CNTNAP4: variants seen among roughly 807,000 people sequenced by gnomAD.
CNTNAP4 encodes contactin associated protein family member 4, also known as contactin-associated protein-like 4.
In CNTNAP4, 98 loss-of-function variants were observed where a neutral mutation model predicts 148.4. The observed-to-expected ratio is 0.66, with a 90% CI of 0.56 to 0.78. The LOEUF is 0.78. CNTNAP4 is among the 30% of genes least tolerant of loss of function. CNTNAP4 has a pLI of 0.00. For missense variants in CNTNAP4, 1,935 were observed against 1,565.6 expected (o/e 1.24, Z -3.98); for synonymous variants, 730 against 565.1 (o/e 1.29, Z -4.14).
chr16:76,550,007 C>CTTATG (rs2084897247), intron 21 of CNTNAP4, among the ~76,000 whole-genome samples: 1 of 152,008 alleles, frequency 6.6e-6, no homozygotes, highest in Non-Finnish European at 1.5e-5. Flanking sequence ...CACTTAGGGA[C>CTTATG]AATCTGATGA....
chr16:76,291,151 A>T (rs993277187), intron 1 of CNTNAP4, among the ~76,000 whole-genome samples: 1 of 152,202 alleles, frequency 6.6e-6, no homozygotes, highest in Non-Finnish European at 1.5e-5. Flanking sequence ...GGTATAATTC[A>T]GTCCATAACA....
intron 15 of CNTNAP4, among the ~76,000 whole-genome samples, chr16:76,499,735 C>G (rs1203799012): frequency 4.0e-5 from 6 of 150,388 alleles, no homozygotes; most frequent in Non-Finnish European, 7.4e-5. Context: ...TCCCTGGGTA[C>G]TTGAGATTAG....
chr16:76,486,214 A>G (rs1334667385), intron 12 of CNTNAP4, among the ~76,000 whole-genome samples: 1 of 152,172 alleles, frequency 6.6e-6, no homozygotes, highest in African/African-American at 2.4e-5. Flanking sequence ...TCCTTACCCT[A>G]CCACTCTTTT....
chr16:76,289,660 C>T lies in CNTNAP4; in HGVS notation c.85+11913C>T, dbSNP rs1052144381. ...CAATCTCGGCTCACTGCAACCTCTG[C>T]TTCCCAGGTTCAAGCAATTCTCCTT... On this transcript the variant is annotated intron_variant, in intron 1 of 23. Coordinates refer to ENST00000611870, the MANE Select transcript of CNTNAP4 (RefSeq NM_033401.5). Among the ~76,000 whole-genome samples, 16 of 152,014 alleles carry T rather than the reference C, an allele frequency of 1.1e-4. No individual in the cohort carries two copies. The East Asian group carries it at 1.6e-3, about 15-fold the overall frequency.
chr16:76,540,634 G>A lies in CNTNAP4; in HGVS notation c.3355-69G>A, dbSNP rs919823908. 36 of 1,153,444 alleles carry A rather than the reference G, an allele frequency of 3.1e-5. No homozygotes were observed. In the African/African-American group the frequency reaches 4.9e-4, roughly 16 times the overall value. 71.5% of individuals were successfully genotyped at this position (1,153,444 alleles called of 1,614,324 possible). ...AATGTATCTTTTTCTCTTGTCCTCT[G>A]TTGCTTCCTGTCTTCTCAACAAAAC... On this transcript the variant is annotated intron_variant, in intron 20 of 23. Transcript: ENST00000611870.
intron 3 of CNTNAP4, among the ~76,000 whole-genome samples, chr16:76,393,456 G>A (rs2078095246): frequency 1.3e-5 from 2 of 152,188 alleles, no homozygotes; most frequent in African/African-American, 4.8e-5. Context: ...CAGTCAGTCT[G>A]TACTGAACAC....
chr16:76,554,283 G>C (rs973426263), intron 23 of CNTNAP4, among the ~76,000 whole-genome samples: 2 of 152,120 alleles, frequency 1.3e-5, no homozygotes, highest in Non-Finnish European at 1.5e-5. Flanking sequence ...ACTGCTTCTG[G>C]AAAGGTTCAT....
At chr16:76,470,636 G>A (rs1249539347) in intron 10 of CNTNAP4, among the ~76,000 whole-genome samples, 1 of 151,082 alleles carries the variant, frequency 6.6e-6, no homozygotes, top group African/African-American at 2.5e-5. Flanking sequence ...GGCAACAAGA[G>A]TGAAACGCCG....
At chr16:76,361,801 G>A (rs117350867) in intron 3 of CNTNAP4, among the ~76,000 whole-genome samples, 2 of 152,088 alleles carry the variant, frequency 1.3e-5, no homozygotes, top group Non-Finnish European at 2.9e-5. Flanking sequence ...CTAGGGTTCC[G>A]ATTTCTCCAA....
intron 1 of CNTNAP4, among the ~76,000 whole-genome samples, chr16:76,293,867 G>A (rs1298636206): frequency 5.4e-5 from 8 of 149,174 alleles, no homozygotes; most frequent in Admixed American, 4.7e-4. Flanking sequence ...GCCCGTGACT[G>A]AATGTAGCAT....
At chr16:76,471,917 G>A (rs1306901626) in intron 10 of CNTNAP4, among the ~76,000 whole-genome samples, 1 of 152,186 alleles carries the variant, frequency 6.6e-6, no homozygotes. Flanking sequence ...ATGTGATAAT[G>A]TTGTATAGAG....
At chr16:76,304,056 A>G (rs1393635922) in intron 1 of CNTNAP4, among the ~76,000 whole-genome samples, 1 of 152,186 alleles carries the variant, frequency 6.6e-6, no homozygotes, top group Non-Finnish European at 1.5e-5. Flanking sequence ...TAAAGCAGCA[A>G]TCATAAACAC....
chr16:76,484,616 T>A (rs1448175047), intron 12 of CNTNAP4, among the ~76,000 whole-genome samples: 1 of 152,114 alleles, frequency 6.6e-6, no homozygotes, highest in Non-Finnish European at 1.5e-5. Context: ...AGCTTGAAAC[T>A]CTCCTTATTG....
intron 10 of CNTNAP4, among the ~76,000 whole-genome samples, chr16:76,471,784 G>A (rs1482896475): frequency 6.6e-6 from 1 of 152,172 alleles, no homozygotes; most frequent in Non-Finnish European, 1.5e-5. Context: ...TTGGAGGCGA[G>A]GGCTAGGGAT....
rs1010752317 is a variant in CNTNAP4 at position 76,501,173 on chromosome 16, A to C, written c.2365+2479A>C. Among the ~76,000 whole-genome samples, 52 of 152,212 alleles carry C rather than the reference A, an allele frequency of 3.4e-4. 1 individual carries two copies. Among genetic ancestry groups the C allele is most frequent in the African/African-American group, 1.1e-3 (46 of 41,446 alleles). The stretch of plus-strand genomic sequence containing the variant: ...CTGTTCTACCAGTGAGCCTTACACA[A>C]TCCCATGAAGATGATATAGGATATT... On this transcript the variant is annotated intron_variant, in intron 15 of 23. Coordinates refer to ENST00000611870, the MANE Select transcript of CNTNAP4 (RefSeq NM_033401.5).
chr16:76,444,075 T>C lies in CNTNAP4; in HGVS notation c.539-3937T>C, dbSNP rs375400830. Among the ~76,000 whole-genome samples, 13 of 152,262 alleles carry C rather than the reference T, an allele frequency of 8.5e-5. No homozygotes were observed. The South Asian group carries it at 2.1e-3, about 24-fold the overall frequency. ...GAAGGAATCAGAAGGATGGTAAAAC[T>C]AGTTTCAAAGAAAATTCAAGAGATT... On this transcript the variant is annotated intron_variant, in intron 4 of 23. Coordinates refer to ENST00000611870, the MANE Select transcript of CNTNAP4 (RefSeq NM_033401.5).
intron 11 of CNTNAP4, among the ~76,000 whole-genome samples, chr16:76,477,046 G>A (rs1411524508): frequency 6.6e-6 from 1 of 151,992 alleles, no homozygotes; most frequent in Non-Finnish European, 1.5e-5. Flanking sequence ...GCTCACCCTA[G>A]TAGGTGAATA....
chr16:76,558,853 T>C lies in CNTNAP4; in HGVS notation c.*170T>C, dbSNP rs1180893634. 6 of 493,612 alleles carry C rather than the reference T, an allele frequency of 1.2e-5. No individual in the cohort carries two copies. Among genetic ancestry groups the C allele is most frequent in the African/African-American group, 2.0e-5 (1 of 50,886 alleles). 30.6% of individuals were successfully genotyped at this position (493,612 alleles called of 1,614,324 possible). A position where few individuals can be genotyped will look rare whatever the true frequency, so the allele number is the denominator to read the frequency against. ...CTCCAGGAAGCCTCGTCCAGTGATA[T>C]ATTTCTCATAGCATTCATTCTATGG... On this transcript the variant is annotated 3_prime_UTR_variant, in exon 24 of 24. Coordinates refer to ENST00000611870, the MANE Select transcript of CNTNAP4 (RefSeq NM_033401.5).
intron 22 of CNTNAP4, 72 bp downstream of exon 22, chr16:76,553,573 G>A: frequency 9.3e-7 from 1 of 1,076,318 alleles, no homozygotes; most frequent in East Asian, 2.6e-5. Flanking sequence ...CTTCTCATGT[G>A]GCTTTCAGGC....
Sources: gnomAD v4.1 joint callset for allele counts (sites outside exome capture counted in the v4.1 genomes callset) on GRCh38, gnomAD v4.1.1 for gene constraint, MANE v1.5 for transcripts, NCBI Gene and HGNC (gene_info 2026-07-23, HGNC 2026-07-21) for gene names.